The following LRMDA variants were observed in gnomAD, a reference collection of about 807,000 sequenced individuals.
LRMDA encodes the protein leucine rich melanocyte differentiation associated, also known as leucine-rich melanocyte differentiation-associated protein.
In LRMDA, 18 loss-of-function variants were observed where a neutral mutation model predicts 29.8. That is an observed-to-expected ratio of 0.60 (90% confidence interval 0.42 to 0.90). LRMDA has a LOEUF of 0.90. LRMDA is among the 40% of genes least tolerant of loss of function. The pLI is 0.00. For synonymous variants in LRMDA, 125 were observed against 109.4 expected, an observed-to-expected ratio of 1.14 and a Z score of -0.89; for missense variants, 273 against 273.9, an observed-to-expected ratio of 1.00 and a Z score of 0.02.
At chr10:76,221,291 G>C (rs1422911628) in intron 5 of LRMDA, among the ~76,000 whole-genome samples, 4 of 152,176 alleles carry the variant, frequency 2.6e-5, no homozygotes, top group African/African-American at 2.4e-5. Flanking sequence ...GCAGGAGAAG[G>C]AAATAAAGGG....
In LRMDA at chr10:75,807,685, C is replaced by G. The variant is rs560380883; in HGVS notation, c.132-228323C>G. Among the ~76,000 whole-genome samples the G allele has an allele frequency of 4.9e-4, 75 of 152,230 alleles. 1 individual carries two copies. The South Asian group carries it at 0.015, about 31-fold the overall frequency. Reference sequence around the variant, plus strand: ...TTAAACTGATGTAATGACAAGAATTCATATAAGAGGCTGTGGGAATGGGGC... The same window carrying G: ...TTAAACTGATGTAATGACAAGAATTGATATAAGAGGCTGTGGGAATGGGGC... On this transcript the variant is annotated intron_variant, in intron 2 of 6. Transcript: ENST00000611255.
intron 2 of LRMDA, among the ~76,000 whole-genome samples, chr10:76,014,134 AT>A: frequency 7.1e-6 from 1 of 139,918 alleles, no homozygotes; most frequent in African/African-American, 2.7e-5. Flanking sequence ...AATTATATAT[AT>A]ATATATATAA....
intron 5 of LRMDA, among the ~76,000 whole-genome samples, chr10:76,222,521 T>G (rs1159107741): frequency 6.6e-6 from 1 of 151,900 alleles, no homozygotes; most frequent in African/African-American, 2.4e-5. Flanking sequence ...CATGAAAAAA[T>G]GCTCACCATC....
At chr10:75,942,624 C>T (rs1389089435) in intron 2 of LRMDA, among the ~76,000 whole-genome samples, 1 of 152,118 alleles carries the variant, frequency 6.6e-6, no homozygotes, top group African/African-American at 2.4e-5. Context: ...GTTTAATTGG[C>T]AACAAGTGAG....
At chr10:76,506,710 AT>A (rs1564561285) in intron 6 of LRMDA, among the ~76,000 whole-genome samples, 1 of 151,724 alleles carries the variant, frequency 6.6e-6, no homozygotes. Context: ...CCACATATGA[AT>A]TATAACATAC....
chr10:75,760,003 A>G (rs2132226816), intron 2 of LRMDA, among the ~76,000 whole-genome samples: 1 of 152,328 alleles, frequency 6.6e-6, no homozygotes, highest in Non-Finnish European at 1.5e-5. Flanking sequence ...TTATGTATCC[A>G]TGTTTATATT....
intron 5 of LRMDA, among the ~76,000 whole-genome samples, chr10:76,236,362 T>TA (rs1852152133): frequency 6.6e-6 from 1 of 152,214 alleles, no homozygotes; most frequent in Non-Finnish European, 1.5e-5. Flanking sequence ...GCTTTTAAGA[T>TA]AGATAGGATC....
intron 2 of LRMDA, among the ~76,000 whole-genome samples, chr10:75,913,791 C>T (rs1322028946): frequency 6.6e-6 from 1 of 152,230 alleles, no homozygotes; most frequent in Non-Finnish European, 1.5e-5. Context: ...TGGAGAGGAG[C>T]AAGGGGACAG....
At position 75,486,326 on chromosome 10, in the gene LRMDA, T is replaced by A. The variant is rs193018504; in HGVS notation, c.131+47832T>A. Among the ~76,000 whole-genome samples, 288 of 152,342 alleles carry A rather than the reference T, an allele frequency of 1.9e-3. 2 individuals are homozygous for A. Among genetic ancestry groups the A allele is most frequent in the Non-Finnish European group, 3.1e-3 (210 of 68,024 alleles). The stretch of plus-strand genomic sequence containing the variant: ...ACTATAGCATTCAAAATCTATCAGA[T>A]ATCCTGATGAATTGATATTACACTT... On this transcript the variant is annotated intron_variant, in intron 2 of 6. Transcript: ENST00000611255.
intron 2 of LRMDA, among the ~76,000 whole-genome samples, chr10:75,978,291 G>A (rs566842326): frequency 1.3e-4 from 20 of 152,206 alleles, no homozygotes; most frequent in Non-Finnish European, 2.5e-4. Flanking sequence ...GAGGAACCCT[G>A]GTTCCCTCTC....
intron 5 of LRMDA, among the ~76,000 whole-genome samples, chr10:76,140,347 A>C (rs890098485): frequency 1.3e-5 from 2 of 152,150 alleles, no homozygotes; most frequent in Non-Finnish European, 2.9e-5. Context: ...TCTGCAGAAC[A>C]AAATCTGAAA....
At chr10:75,701,913 T>C (rs965706002) in intron 2 of LRMDA, among the ~76,000 whole-genome samples, 1 of 152,178 alleles carries the variant, frequency 6.6e-6, no homozygotes, top group Admixed American at 6.5e-5. Flanking sequence ...TAGATTCTAA[T>C]CGCTTCCCAT....
intron 2 of LRMDA, among the ~76,000 whole-genome samples, chr10:75,763,101 G>A (rs1843118066): frequency 1.3e-5 from 2 of 152,052 alleles, no homozygotes; most frequent in African/African-American, 2.4e-5. Flanking sequence ...AGGGTGTCTT[G>A]GATAATTTAA....
At chr10:76,138,511 G>A (rs548510124) in intron 5 of LRMDA, among the ~76,000 whole-genome samples, 45 of 152,260 alleles carry the variant, frequency 3.0e-4, no homozygotes, top group African/African-American at 9.1e-4. Flanking sequence ...CTGGCCAAGC[G>A]AGAACAAATG....
At chr10:76,100,856 T>C (rs911265947) in intron 5 of LRMDA, among the ~76,000 whole-genome samples, 1 of 151,938 alleles carries the variant, frequency 6.6e-6, no homozygotes, top group African/African-American at 2.4e-5. Flanking sequence ...CCCCCACTCT[T>C]TCTCTGTGAG....
intron 5 of LRMDA, among the ~76,000 whole-genome samples, chr10:76,136,654 T>G (rs937664925): frequency 5.9e-5 from 9 of 152,110 alleles, no homozygotes; most frequent in African/African-American, 2.2e-4. Context: ...TAAAAACTTG[T>G]CCAAAAAATG....
At chr10:76,142,577 TG>T (rs1850223530) in intron 5 of LRMDA, among the ~76,000 whole-genome samples, 1 of 152,010 alleles carries the variant, frequency 6.6e-6, no homozygotes, top group Non-Finnish European at 1.5e-5. Flanking sequence ...ACTTCATCTG[TG>T]TTGATGCTAT....
chr10:75,711,163 G>T (rs1255722925), intron 2 of LRMDA, among the ~76,000 whole-genome samples: 2 of 152,274 alleles, frequency 1.3e-5, no homozygotes, highest in African/African-American at 4.8e-5. Flanking sequence ...GATCTTTCAG[G>T]CTTCTTTCTT....
intron 2 of LRMDA, among the ~76,000 whole-genome samples, chr10:75,959,854 T>C (rs948563740): frequency 6.6e-6 from 1 of 152,236 alleles, no homozygotes; most frequent in Non-Finnish European, 1.5e-5. Flanking sequence ...TTGTTACATG[T>C]GCAATTTAAA....
Sources: gnomAD v4.1 joint callset for allele counts (sites outside exome capture counted in the v4.1 genomes callset) on GRCh38, gnomAD v4.1.1 for gene constraint, MANE v1.5 for transcripts, NCBI Gene and HGNC (gene_info 2026-07-23, HGNC 2026-07-21) for gene names.